SLC16A2: variants seen among roughly 807,000 people sequenced by gnomAD.
SLC16A2 encodes the protein monocarboxylate transporter 8.
SLC16A2 carries 3 observed loss-of-function variants against 27.2 expected under a neutral mutation model. That is an observed-to-expected ratio of 0.11 (90% CI 0.05 to 0.28). SLC16A2 has a LOEUF of 0.28. Ranked by LOEUF, SLC16A2 falls within the 10% of genes least tolerant of loss-of-function variation. SLC16A2 has a pLI of 1.00. For missense variants in SLC16A2, 295 were observed against 458.5 expected (o/e 0.64, Z 3.26); for synonymous variants, 202 against 187.8 (o/e 1.08, Z -0.62).
chrX:74,468,584 G>C (rs1313644068), intron 1 of SLC16A2, among the ~76,000 whole-genome samples: 2 of 109,334 alleles, frequency 1.8e-5, no homozygotes. Flanking sequence ...GAGAAGTCCA[G>C]TACAAGTTTT....
chrX:74,516,044 C>T (rs182807167), intron 1 of SLC16A2, among the ~76,000 whole-genome samples: 80 of 111,904 alleles, frequency 7.1e-4, no homozygotes, highest in African/African-American at 2.5e-3. Context: ...GATTTCTTCT[C>T]CTTTTGTGTT....
intron 1 of SLC16A2, among the ~76,000 whole-genome samples, chrX:74,487,531 G>A (rs752728387): frequency 8.9e-6 from 1 of 112,003 alleles, no homozygotes; most frequent in Non-Finnish European, 1.9e-5. Context: ...ATCAGTGATT[G>A]TTTAATAGTG....
At chrX:74,519,803 A>C (rs548086063) in intron 1 of SLC16A2, among the ~76,000 whole-genome samples, 191 of 108,665 alleles carry the variant, frequency 1.8e-3, no homozygotes, top group African/African-American at 5.8e-3. Context: ...TTTAATCTCC[A>C]TTTCACAGAT....
chrX:74,522,171 G>A (rs1484582652), intron 2 of SLC16A2, among the ~76,000 whole-genome samples: 1 of 111,793 alleles, frequency 8.9e-6, no homozygotes, highest in Admixed American at 9.5e-5. Context: ...GAGCTAATTT[G>A]TCAGAGACTT....
chrX:74,441,806 A>G (rs1262967049), intron 1 of SLC16A2, among the ~76,000 whole-genome samples: 2 of 111,384 alleles, frequency 1.8e-5, no homozygotes, highest in African/African-American at 6.5e-5. Flanking sequence ...AGACTGGGCA[A>G]TAAGAGACAG....
intron 1 of SLC16A2, among the ~76,000 whole-genome samples, chrX:74,464,515 AAGG>A (rs1252108164): frequency 8.9e-6 from 1 of 112,022 alleles, no homozygotes; most frequent in East Asian, 2.8e-4. Flanking sequence ...AGACTTGTAT[AAGG>A]AGTTTTCTTG....
In SLC16A2 at chrX:74,450,405, C is replaced by T. The variant is rs772462876; in HGVS notation, c.430+28338C>T. 1.2e-4 allele frequency among the ~76,000 whole-genome samples: 13 copies of T among 111,826 alleles called. 1 individual carries two copies. Among genetic ancestry groups the T allele is most frequent in the Admixed American group, 1.1e-3 (12 of 10,547 alleles). ...CATGTTCCTCTCTTTGGGTCTAAGT[C>T]TCTTCCTCTGTAGAATTTTGCACTG... On this transcript the variant is annotated intron_variant, in intron 1 of 5. Coordinates refer to ENST00000587091, the MANE Select transcript of SLC16A2 (RefSeq NM_006517.5).
Position 74,448,302 on chromosome X carries a change from ATTTTTTTTTTTT to A in SLC16A2, c.430+26249_430+26260del, listed in dbSNP as rs144467927. Among the ~76,000 whole-genome samples, 14 of 64,251 alleles carry A rather than the reference ATTTTTTTTTTTT, an allele frequency of 2.2e-4. No individual in the cohort carries two copies. The South Asian group carries it at 3.7e-3, about 17-fold the overall frequency. 55.8% of individuals were successfully genotyped at this position (64,251 alleles called of 115,157 possible). ...CTATTTGTCTGGTTGAATCCTTTGG[ATTTTTTTTTTTT>A]TTTTTTTTTTTTTGGATGAGGAAAC... On this transcript the variant is annotated intron_variant, in intron 1 of 5. Transcript: ENST00000587091.
intron 1 of SLC16A2, among the ~76,000 whole-genome samples, chrX:74,448,003 C>T (rs1252402291): frequency 1.8e-5 from 2 of 111,448 alleles, no homozygotes; most frequent in Non-Finnish European, 3.8e-5. Flanking sequence ...CAAACAAAAA[C>T]ACAAAAAAAC....
At chrX:74,431,106 T>C (rs1318535167) in intron 1 of SLC16A2, among the ~76,000 whole-genome samples, 2 of 112,583 alleles carry the variant, frequency 1.8e-5, no homozygotes, top group African/African-American at 6.5e-5. Context: ...ATCAATCCCA[T>C]TACTGGGTAC....
chrX:74,516,778 T>C (rs1930322850), intron 1 of SLC16A2, among the ~76,000 whole-genome samples: 1 of 111,888 alleles, frequency 8.9e-6, no homozygotes, highest in African/African-American at 3.2e-5. Flanking sequence ...TATCAATGAT[T>C]ACATCAAATG....
At chrX:74,486,531 G>A (rs1009104115) in intron 1 of SLC16A2, among the ~76,000 whole-genome samples, 1 of 111,874 alleles carries the variant, frequency 8.9e-6, no homozygotes, top group African/African-American at 3.3e-5. Context: ...GCCACAATGA[G>A]ATACCATCTC....
At chrX:74,470,704 T>A (rs1271414853) in intron 1 of SLC16A2, among the ~76,000 whole-genome samples, 1 of 111,641 alleles carries the variant, frequency 9.0e-6, no homozygotes, top group Non-Finnish European at 1.9e-5. Flanking sequence ...CCCAGCACTT[T>A]GGGAGGCCGA....
chrX:74,521,664 A>C (rs1930409506), intron 2 of SLC16A2, among the ~76,000 whole-genome samples: 3 of 112,407 alleles, frequency 2.7e-5, no homozygotes, highest in Admixed American at 9.4e-5. Flanking sequence ...CTGAAAAAAG[A>C]GGTCAACTGA....
intron 1 of SLC16A2, among the ~76,000 whole-genome samples, chrX:74,480,708 A>G (rs1194989756): frequency 8.9e-6 from 1 of 112,441 alleles, no homozygotes; most frequent in Non-Finnish European, 1.9e-5. Context: ...TCCTTTTCCA[A>G]TCTGGATGCC....
intron 1 of SLC16A2, among the ~76,000 whole-genome samples, chrX:74,484,959 A>G (rs1017458750): frequency 2.7e-5 from 3 of 111,841 alleles, no homozygotes; most frequent in Non-Finnish European, 5.6e-5. Context: ...GCTCACGCCT[A>G]TAATCCCAGC....
At chrX:74,429,047 G>C (rs760421122) in intron 1 of SLC16A2, among the ~76,000 whole-genome samples, 49 of 111,165 alleles carry the variant, frequency 4.4e-4, no homozygotes, top group Non-Finnish European at 8.7e-4. Flanking sequence ...GAAGGGAGAA[G>C]ACAGACACTC....
intron 5 of SLC16A2, among the ~76,000 whole-genome samples, chrX:74,530,677 CA>C (rs1930554561): frequency 9.0e-6 from 1 of 111,186 alleles, no homozygotes; most frequent in African/African-American, 3.3e-5. Flanking sequence ...CCTGAGTAAG[CA>C]AAAGGCCAAG....
chrX:74,439,477 A>ATTTT (rs58357634), intron 1 of SLC16A2, among the ~76,000 whole-genome samples: 1 of 78,561 alleles, frequency 1.3e-5, no homozygotes, highest in African/African-American at 5.1e-5. Context: ...GGCCCGGCTA[A>ATTTT]TTTTTTTTTT....
Sources: allele counts gnomAD v4.1 joint callset (sites outside exome capture counted in the v4.1 genomes callset), GRCh38; gene constraint gnomAD v4.1.1; transcripts MANE v1.5; gene names NCBI Gene and HGNC (gene_info 2026-07-23, HGNC 2026-07-21).